Variants in ATP1A2 observed in about 807,000 individuals in gnomAD.
ATP1A2 encodes sodium/potassium-transporting ATPase subunit alpha-2.
A neutral mutation model predicts 113.1 loss-of-function variants in ATP1A2; 56 were observed. The ratio of observed to expected loss-of-function variants is 0.49; its 90% CI spans 0.40 to 0.62. ATP1A2 has a LOEUF of 0.62. Among genes scored for constraint, ATP1A2 ranks in the 20% least tolerant of loss-of-function variants. The pLI, the probability that ATP1A2 is intolerant of heterozygous loss-of-function variation, is 0.00. For missense variants in ATP1A2, 712 were observed against 1,357.8 expected (o/e 0.52, Z 7.47); for synonymous variants, 490 against 526.8 (o/e 0.93, Z 0.96).
rs556878440 is a variant in ATP1A2 at position 160,125,287 on chromosome 1, T to C, written c.748+34T>C. ...CCAGGCTGCCCCCTGTAGGAAAGAG[T>C]CTGAATCCTGAATCCATAGTCAGGA... On this transcript the variant is annotated intron_variant, in intron 7 of 22. Coordinates refer to ENST00000361216, the MANE Select transcript of ATP1A2 (RefSeq NM_000702.4). The C allele has an allele frequency of 1.6e-4, 251 of 1,565,980 alleles. 6 individuals are homozygous for C. In the South Asian group the frequency reaches 2.7e-3, roughly 17 times the overall value.
Position 160,135,737 on chromosome 1 carries a change from C to CA in ATP1A2, c.2285-98dup. On this transcript the variant is annotated intron_variant, in intron 16 of 22. Transcript: ENST00000361216. This position sits in a 1 kb window ranked among gnomAD's most constrained non-coding sequence, Gnocchi z 6.3. ...AGCCCACTTTAGCTTCCCTTGAACA[C>CA]AAAATCTTCCTCTCTTGGGAAGACA... The CA allele has an allele frequency of 6.2e-7, 1 of 1,610,348 alleles. No homozygotes were observed. The highest frequency in any genetic ancestry group is 8.5e-7 in the Non-Finnish European group (1 of 1,177,364).
rs369393630 is a variant in ATP1A2, at chr1:160,135,649, G to A, written c.2284+47G>A. ...GGATGGTTTGCAGGATACTGAAGCC[G>A]GCACCTCTGTTCCCTGTCCCTTTAC... On this transcript the variant is annotated intron_variant, in intron 16 of 22. Transcript: ENST00000361216. The surrounding 1 kb of genome is among the most constrained non-coding windows in gnomAD (Gnocchi z 6.3). 33 of 1,612,276 alleles carry A rather than the reference G, an allele frequency of 2.0e-5. No homozygotes were observed. Among genetic ancestry groups the A allele is most frequent in the African/African-American group, 1.2e-4 (9 of 74,802 alleles).
chr1:160,123,859 G>T lies in ATP1A2; in HGVS notation c.382-84G>T. On this transcript the variant is annotated intron_variant, in intron 4 of 22. Coordinates refer to ENST00000361216, the MANE Select transcript of ATP1A2 (RefSeq NM_000702.4). ...AAGGTCTGGGCTGTCATCTTGGATG[G>T]CACTGCCTGCTCATCCCAAGTGGCA... 3 of 1,208,932 alleles carry T rather than the reference G, an allele frequency of 2.5e-6. No individual in the cohort carries two copies. The Admixed American group carries it at 5.6e-5, about 23-fold the overall frequency. 74.9% of individuals were successfully genotyped at this position (1,208,932 alleles called of 1,614,324 possible).
rs1287709502 is a variant in ATP1A2, at chr1:160,124,285, G to A, written c.496-11G>A. 6.3e-7 allele frequency: 1 copy of A among 1,593,766 alleles called. No individual in the cohort carries two copies. Among genetic ancestry groups the A allele is most frequent in the Non-Finnish European group, 8.5e-7 (1 of 1,170,296 alleles). On this transcript the variant is annotated splice_polypyrimidine_tract_variant and intron_variant, in intron 5 of 22. Coordinates refer to ENST00000361216, the MANE Select transcript of ATP1A2 (RefSeq NM_000702.4). The stretch of plus-strand genomic sequence containing the variant: ...ACAAGCATTTCATGAGCTGCCTGTG[G>A]CTCCCCACAGCAAGCCCTTGTGATC...
intron 2 of ATP1A2, 71 bp from the exon 3 acceptor site, chr1:160,121,121 T>A (rs982453543): frequency 3.7e-6 from 6 of 1,601,102 alleles, no homozygotes; most frequent in Non-Finnish European, 5.1e-6. Flanking sequence ...AACTCACCCC[T>A]GTGCCCTGCA....
Position 160,135,052 on chromosome 1 carries a change from C to G in ATP1A2, c.1965-93C>G. On this transcript the variant is annotated intron_variant, in intron 14 of 22. Coordinates refer to ENST00000361216, the MANE Select transcript of ATP1A2 (RefSeq NM_000702.4). The surrounding 1 kb of genome is among the most constrained non-coding windows in gnomAD (Gnocchi z 6.3). Reference sequence around the variant, plus strand: ...CAGGGGAAGCAGGCTCAGCAGGGAGCCTGCAGGCTGCGGTGGTGAAGAGAG... The same window carrying G: ...CAGGGGAAGCAGGCTCAGCAGGGAGGCTGCAGGCTGCGGTGGTGAAGAGAG... 1.3e-6 allele frequency: 2 copies of G among 1,543,546 alleles called. No individual in the cohort carries two copies. The highest frequency in any genetic ancestry group is 2.3e-5 in the East Asian group (1 of 43,514).
In ATP1A2 at chr1:160,135,761, C is replaced by T; in HGVS notation, c.2285-78C>T. ...ACAAAATCTTCCTCTCTTGGGAAGACAGGCAGCCATGCTTCAGGGGCTGGG... is the reference window on the plus strand; with the variant it reads ...ACAAAATCTTCCTCTCTTGGGAAGATAGGCAGCCATGCTTCAGGGGCTGGG... On this transcript the variant is annotated intron_variant, in intron 16 of 22. Transcript: ENST00000361216. This position sits in a 1 kb window ranked among gnomAD's most constrained non-coding sequence, Gnocchi z 6.3. The T allele has an allele frequency of 6.2e-7, 1 of 1,611,234 alleles. No individual in the cohort carries two copies. Among genetic ancestry groups the T allele is most frequent in the Non-Finnish European group, 8.5e-7 (1 of 1,177,648 alleles).
intron 13 of ATP1A2, among the ~76,000 whole-genome samples, chr1:160,134,156 A>C (rs2101993632): frequency 7.3e-6 from 1 of 136,262 alleles, no homozygotes; most frequent in South Asian, 2.4e-4. Context: ...CCCCACACAC[A>C]CACACACATC....
At chr1:160,129,134 C>T (rs1221645480) in intron 10 of ATP1A2, 45 bp downstream of exon 10, 2 of 1,506,932 alleles carry the variant, frequency 1.3e-6, no homozygotes, top group Non-Finnish European at 1.8e-6. Context: ...GGGGTGTCTC[C>T]AAAGCCTCTT....
intron 1 of ATP1A2, 65 bp from the exon 2 acceptor site, chr1:160,120,841 G>A: frequency 6.6e-7 from 1 of 1,504,772 alleles, no homozygotes; most frequent in South Asian, 1.2e-5. Flanking sequence ...CCCTGGCTGA[G>A]TGGTGGGAAT....
At chr1:160,120,820 C>A in intron 1 of ATP1A2, 86 bp from the exon 2 acceptor site, 1 of 1,402,986 alleles carries the variant, frequency 7.1e-7, no homozygotes, top group Non-Finnish European at 9.8e-7. Flanking sequence ...CACACCCCCA[C>A]TGCCTGGGCT....
Position 160,135,632 on chromosome 1 carries a change from T to A in ATP1A2, c.2284+30T>A. On this transcript the variant is annotated intron_variant, in intron 16 of 22. Coordinates refer to ENST00000361216, the MANE Select transcript of ATP1A2 (RefSeq NM_000702.4). The surrounding 1 kb of genome is among the most constrained non-coding windows in gnomAD (Gnocchi z 6.3). ...GGAGGCTGCATGGGTTGGGATGGTT[T>A]GCAGGATACTGAAGCCGGCACCTCT... 5 of 1,612,832 alleles carry A rather than the reference T, an allele frequency of 3.1e-6. No homozygotes were observed. The highest frequency in any genetic ancestry group is 4.2e-6 in the Non-Finnish European group (5 of 1,179,998).
rs1182047890 is a variant in ATP1A2, at chr1:160,128,385, C to G, written c.1018-267C>G. The G allele has an allele frequency of 9.7e-6, 9 of 924,230 alleles. No individual in the cohort carries two copies. The East Asian group carries it at 2.7e-4, about 28-fold the overall frequency. 57.3% of individuals were successfully genotyped at this position (924,230 alleles called of 1,614,324 possible). ...CAGTGTCCCTTCTGTGTTGATGACTCAGACATCCCTATGCTCAGCTCTGCT... is the reference window on the plus strand; with the variant it reads ...CAGTGTCCCTTCTGTGTTGATGACTGAGACATCCCTATGCTCAGCTCTGCT... On this transcript the variant is annotated intron_variant, in intron 8 of 22. Transcript: ENST00000361216.
At chr1:160,127,443 G>T in intron 7 of ATP1A2, 109 bp from the exon 8 acceptor site, 1 of 1,522,350 alleles carries the variant, frequency 6.6e-7, no homozygotes, top group East Asian at 2.3e-5. Flanking sequence ...CCAGATCTGC[G>T]GCTTTGGCTC....
chr1:160,128,851 G>C lies in ATP1A2; in HGVS notation c.1216+1G>C. On this transcript the variant is annotated splice_donor_variant, in intron 9 of 22. Transcript: ENST00000361216. LOFTEE classifies it high-confidence loss of function. ...GCTGACACCACCGAAGATCAGTCTG[G>C]TGATTGGGTGCTCCAGAGGGGGTGG... 6.2e-7 allele frequency: 1 copy of C among 1,614,132 alleles called. No homozygotes were observed. The highest frequency in any genetic ancestry group is 8.5e-7 in the Non-Finnish European group (1 of 1,180,010).
At chr1:160,117,144 A>G (rs1651210368) in intron 1 of ATP1A2, among the ~76,000 whole-genome samples, 1 of 152,150 alleles carries the variant, frequency 6.6e-6, no homozygotes, top group African/African-American at 2.4e-5. Flanking sequence ...GCCTGCCCTT[A>G]GGAGCTGTGA....
In ATP1A2 at chr1:160,135,908, C is replaced by T. The variant is rs757260843; in HGVS notation, c.2354C>T (p.Thr785Ile). Residue 785 changes from threonine (T) to isoleucine (I), a missense_variant, in exon 17 of 23, where the codon ACC becomes ATC. Physicochemically the swap from Thr to Ile is moderately conservative, Grantham distance 89. Around this residue, in one of 6 missense-constraint regions of ATP1A2, gnomAD observed 188 missense variants for 438.9 expected, o/e 0.43. Transcript: ENST00000361216. This position sits in a 1 kb window ranked among gnomAD's most constrained non-coding sequence, Gnocchi z 6.3. Reference protein sequence around the residue: ...YTLTSNIPEITPFLLFIIANI... With the variant: ...YTLTSNIPEIIPFLLFIIANI... ...CTGACCAGCAACATCCCCGAGATCA[C>T]CCCCTTCCTGCTGTTCATCATTGCC... 2 of 1,614,152 alleles carry T rather than the reference C, an allele frequency of 1.2e-6. No individual in the cohort carries two copies. The highest frequency in any genetic ancestry group is 1.1e-5 in the South Asian group (1 of 91,080).
chr1:160,132,445 C>T (rs1651802878), intron 13 of ATP1A2, among the ~76,000 whole-genome samples: 1 of 152,046 alleles, frequency 6.6e-6, no homozygotes. Flanking sequence ...GGTTAAGAGG[C>T]CATTGCCATA....
rs774073020 is a variant in ATP1A2, at chr1:160,135,427, C to A, written c.2116-7C>A. The A allele has an allele frequency of 1.2e-6, 2 of 1,614,148 alleles. No homozygotes were observed. Among genetic ancestry groups the A allele is most frequent in the East Asian group, 4.5e-5 (2 of 44,882 alleles). ...TTCGTCCTCAAGTGTGGCCGTCTTC[C>A]CTCCAGGGAGCCATTGTGGCCGTGA... is the stretch of plus-strand genomic sequence containing the variant. On this transcript the variant is annotated splice_region_variant and splice_polypyrimidine_tract_variant and intron_variant, in intron 15 of 22. Transcript: ENST00000361216. The surrounding 1 kb of genome is among the most constrained non-coding windows in gnomAD (Gnocchi z 6.3).
Sources: gnomAD v4.1 joint callset for allele counts (sites outside exome capture counted in the v4.1 genomes callset) on GRCh38, gnomAD v4.1.1 for gene constraint, gnomAD v4.1.1 regional missense constraint, Gnocchi (gnomAD v3.1) non-coding constraint, MANE v1.5 for transcripts, NCBI Gene and HGNC (gene_info 2026-07-23, HGNC 2026-07-21) for gene names.